The following SCRIB variants were observed in gnomAD, a reference collection of about 807,000 sequenced individuals.
The protein encoded by SCRIB is scribble planar cell polarity protein.
SCRIB carries 72 observed loss-of-function variants against 170.0 expected under a neutral mutation model. The observed-to-expected ratio is 0.42, with a 90% CI of 0.35 to 0.52. SCRIB has a LOEUF of 0.52. Ranked by LOEUF, SCRIB falls within the 20% of genes least tolerant of loss-of-function variation. The pLI is 0.02. For synonymous variants in SCRIB, 1,298 were observed against 1,044.3 expected (o/e 1.24, Z -4.68); for missense variants, 2,475 against 2,338.5 (o/e 1.06, Z -1.20).
chr8:143,809,446 C>A, intron 14 of SCRIB, 105 bp downstream of exon 14: 1 of 1,292,780 alleles, frequency 7.7e-7, no homozygotes, highest in Non-Finnish European at 1.1e-6. Context: ...ATCAGCAGGG[C>A]CCAGGCACTG....
chr8:143,803,993 G>A (rs1815293354), intron 22 of SCRIB, 53 bp from the exon 23 acceptor site: 2 of 1,575,450 alleles, frequency 1.3e-6, no homozygotes, highest in East Asian at 2.3e-5. Flanking sequence ...GACCTGCGCT[G>A]GTACCTGGGA....
chr8:143,814,924 C>T (rs1815993990), intron 1 of SCRIB: 1 of 428,768 alleles, frequency 2.3e-6, no homozygotes, highest in Admixed American at 4.2e-5. Context: ...ATCCAAGTTC[C>T]ACCCTAACCC....
Position 143,793,760 on chromosome 8 carries a change from A to G in SCRIB, c.3909+140T>C, listed in dbSNP as rs1198612875. On this transcript the variant is annotated intron_variant, in intron 28 of 36. Transcript: ENST00000356994. Reference sequence around the variant, plus strand: ...TTCCTCACACAGGAGGCCCCATGGTAGCAGAGGGAAAACCGGAGTCAACAG... The same window carrying G: ...TTCCTCACACAGGAGGCCCCATGGTGGCAGAGGGAAAACCGGAGTCAACAG... The G allele has an allele frequency of 1.3e-5, 10 of 752,826 alleles. No individual in the cohort carries two copies. In the East Asian group the frequency reaches 2.7e-4, roughly 20 times the overall value. 46.6% of individuals were successfully genotyped at this position (752,826 alleles called of 1,614,324 possible).
chr8:143,810,571 C>T lies in SCRIB; in HGVS notation c.1438G>A (p.Glu480Lys), dbSNP rs775814915. The change falls in exon 13 of 37, where the codon GAG (glutamate) becomes AAG (lysine). Residue 480 changes from glutamate (E) to lysine (K), a missense_variant. By Grantham distance (56) the Glu-to-Lys change is moderately conservative. Coordinates refer to ENST00000356994, the MANE Select transcript of SCRIB (RefSeq NM_182706.5). ...LQRRATPHPS[E>K]LKVMKRSIEG... is the part of the protein sequence containing the mutation. ...ATGCTCCTCTTCATCACCTTGAGCT[C>T]GCTGGGGTGAGGTGTGGCCCGGCGC... 139 of 1,613,560 alleles carry T rather than the reference C, an allele frequency of 8.6e-5. No homozygotes were observed. Among genetic ancestry groups the T allele is most frequent in the Non-Finnish European group, 1.1e-4 (131 of 1,179,994 alleles).
chr8:143,791,844 G>A (rs782792937), intron 34 of SCRIB, 32 bp downstream of exon 34: 9 of 1,545,060 alleles, frequency 5.8e-6, no homozygotes, highest in Non-Finnish European at 7.9e-6. Flanking sequence ...TGCCTCGGGG[G>A]TGAAGGGAAG....
chr8:143,815,545 C>G lies in SCRIB; in HGVS notation c.-173G>C. The G allele has an allele frequency of 1.0e-6, 1 of 979,558 alleles. No individual in the cohort carries two copies. Among genetic ancestry groups the G allele is most frequent in the Non-Finnish European group, 1.2e-6 (1 of 827,764 alleles). The allele number at this position is 979,558 out of a possible 1,614,324, so 60.7% of individuals were successfully genotyped here. On this transcript the variant is annotated 5_prime_UTR_variant, in exon 1 of 37. Coordinates refer to ENST00000356994, the MANE Select transcript of SCRIB (RefSeq NM_182706.5). ...GCCGGCGCTGGGCCCGGCCCGCGCT[C>G]GGAACGCTCGGACTGCGGGCCTGGG...
Position 143,803,913 on chromosome 8 carries a change from T to C in SCRIB, c.3148A>G (p.Ser1050Gly), listed in dbSNP as rs1264295001. ...KVLPRGLAAR[S>G]GLRVGDRILA... ...ATGCGGTCCCCAACCCGCAGGCCGCTGCGAGCGGCCAGGCCCCGCGGGAGC... is the reference window on the plus strand; with the variant it reads ...ATGCGGTCCCCAACCCGCAGGCCGCCGCGAGCGGCCAGGCCCCGCGGGAGC... Residue 1050 changes from serine to glycine, a missense_variant, in exon 23 of 37, where the codon AGC (serine) becomes GGC (glycine). Physicochemically the swap from Ser to Gly is moderately conservative, Grantham distance 56 (BLOSUM62 0). Around this residue, in one of 3 missense-constraint regions of SCRIB, gnomAD observed 1,966 missense variants for 1,742.9 expected, o/e 1.13. Transcript: ENST00000356994. 7 of 1,589,786 alleles carry C rather than the reference T, an allele frequency of 4.4e-6. No individual in the cohort carries two copies. The highest frequency in any genetic ancestry group is 5.1e-6 in the Non-Finnish European group (6 of 1,167,666).
chr8:143,794,319 T>A, intron 27 of SCRIB: 1 of 286,528 alleles, frequency 3.5e-6, no homozygotes, highest in Non-Finnish European at 6.7e-6. Context: ...TGTGCAGCCC[T>A]CAGGGCTCAG....
Position 143,803,814 on chromosome 8 carries a change from G to C in SCRIB, c.3247C>G (p.Leu1083Val), listed in dbSNP as rs1563796926. The change falls in exon 23 of 37, where the codon CTG becomes GTG. Residue 1083 changes from leucine (L) to valine (V), a missense_variant. This residue lies in a region of SCRIB where 1,966 missense variants were observed against 1,742.9 expected (regional missense o/e 1.13). Coordinates refer to ENST00000356994, the MANE Select transcript of SCRIB (RefSeq NM_182706.5). ...CTCCGCACCAGCAGCGACAGCTCCA[G>C]GCAGGGCCGGAGCAGGGCACTGACT... ...EAVSALLRPC[L>V]ELSLLVRRDP... is the part of the protein sequence containing the mutation. The C allele has an allele frequency of 6.2e-7, 1 of 1,604,312 alleles. No individual in the cohort carries two copies. The highest frequency in any genetic ancestry group is 1.7e-5 in the Admixed American group (1 of 59,776).
Position 143,813,709 on chromosome 8 carries a change from G to C in SCRIB, c.374C>G (p.Thr125Ser). 6.2e-7 allele frequency: 1 copy of C among 1,613,604 alleles called. No homozygotes were observed. Among genetic ancestry groups the C allele is most frequent in the Non-Finnish European group, 8.5e-7 (1 of 1,180,022 alleles). Residue 125 changes from threonine to serine, a missense_variant, in exon 4 of 37, where the codon ACT (threonine) becomes AGT (serine). Thr to Ser is a moderately conservative substitution (Grantham distance 58). This residue lies in a region of SCRIB where 487 missense variants were observed against 558.1 expected (regional missense o/e 0.87). Coordinates refer to ENST00000356994, the MANE Select transcript of SCRIB (RefSeq NM_182706.5). ...CAGGTGAGCCAGGCTGCGCAGCTGAGTGAAGCCATCAGGGAGCCTGGATGG... is the reference window on the plus strand; with the variant it reads ...CAGGTGAGCCAGGCTGCGCAGCTGACTGAAGCCATCAGGGAGCCTGGATGG... ...NPLSRLPDGFTQLRSLAHLAL... is the reference protein window; with the variant it reads ...NPLSRLPDGFSQLRSLAHLAL...
In SCRIB at chr8:143,794,414, C is replaced by T. The variant is rs538725587; in HGVS notation, c.3847-452G>A. ...CGGAAGCCTCCCTCTTGGCGCTGCC[C>T]ATGGCCAGAGGAGGCAGGGTCAGTA... On this transcript the variant is annotated intron_variant, in intron 27 of 36. Transcript: ENST00000356994. Among the ~76,000 whole-genome samples the T allele has an allele frequency of 2.6e-3, 399 of 152,228 alleles. 1 individual carries two copies. The highest frequency in any genetic ancestry group is 9.0e-3 in the African/African-American group (374 of 41,538).
Position 143,792,696 on chromosome 8 carries a change from C to A in SCRIB, c.4177+12G>T. 6.3e-7 allele frequency: 1 copy of A among 1,587,120 alleles called. No homozygotes were observed. Among genetic ancestry groups the A allele is most frequent in the East Asian group, 2.3e-5 (1 of 44,330 alleles). Reference sequence around the variant, plus strand: ...CGAGACCCAACCCCCACCCCACTTCCGTGCCCCTCACCTTCCTCCTCCTGC... The same window carrying A: ...CGAGACCCAACCCCCACCCCACTTCAGTGCCCCTCACCTTCCTCCTCCTGC... On this transcript the variant is annotated intron_variant, in intron 30 of 36. Transcript: ENST00000356994.
At chr8:143,804,458 C>T (rs34099611) in intron 21 of SCRIB, 110 bp downstream of exon 21, 355,066 of 1,203,262 alleles carry the variant, frequency 0.3, 55,470 homozygotes, top group East Asian at 0.61. Context: ...GGCGAGCAGG[C>T]CGGCTTCCCA....
rs1427348794 is a variant in SCRIB at position 143,792,241 on chromosome 8, C to T, written c.4493G>A (p.Arg1498His). 14 of 1,570,388 alleles carry T rather than the reference C, an allele frequency of 8.9e-6. No homozygotes were observed. Among genetic ancestry groups the T allele is most frequent in the Non-Finnish European group, 1.1e-5 (13 of 1,165,398 alleles). Residue 1498 changes from arginine to histidine, a missense_variant, in exon 32 of 37, where the codon CGT becomes CAT. Physicochemically the swap from Arg to His is conservative, Grantham distance 29. Transcript: ENST00000356994. ...AELRALEAEKRALWRAARMKS... is the reference protein window; with the variant it reads ...AELRALEAEKHALWRAARMKS... ...TCACCTGGCTGCCCTCCACAGCGCA[C>T]GCTTCTCGGCCTCCAGGGCCCGGAG...
At chr8:143,798,646 A>T (rs988278016) in intron 24 of SCRIB, among the ~76,000 whole-genome samples, 2 of 152,226 alleles carry the variant, frequency 1.3e-5, no homozygotes, top group Admixed American at 6.5e-5. Flanking sequence ...GAGAAAAAGT[A>T]TAAAATTACA....
At position 143,805,110 on chromosome 8, in the gene SCRIB, ACCGC is replaced by A; in HGVS notation, c.2668_2670+1del. 1 of 1,598,884 alleles carries A rather than the reference ACCGC, an allele frequency of 6.3e-7. No homozygotes were observed. The highest frequency in any genetic ancestry group is 1.1e-5 in the South Asian group (1 of 88,746). The stretch of plus-strand genomic sequence containing the variant: ...CTCCCCGGCCCTGGGCCCCAGCCTC[ACCGC>A]ATCACCAGCCCTGTAGGGTGTGGAG... On this transcript the variant is annotated splice_donor_variant and coding_sequence_variant, in exon 19 of 37. Transcript: ENST00000356994. LOFTEE classifies it high-confidence loss of function.
At position 143,815,457 on chromosome 8, in the gene SCRIB, C is replaced by T; in HGVS notation, c.-85G>A. 9.0e-6 allele frequency: 10 copies of T among 1,115,016 alleles called. No individual in the cohort carries two copies. The highest frequency in any genetic ancestry group is 1.1e-5 in the Non-Finnish European group (10 of 913,594). The allele number at this position is 1,115,016 out of a possible 1,614,324, so 69.1% of individuals were successfully genotyped here. A position where few individuals can be genotyped will look rare whatever the true frequency, so the allele number is the denominator to read the frequency against. Reference sequence around the variant, plus strand: ...CGGGGCTCAGTCCGCATGGGCGCCGCGCATGGGGAGGGGGCGCAGGCAGGG... The same window carrying T: ...CGGGGCTCAGTCCGCATGGGCGCCGTGCATGGGGAGGGGGCGCAGGCAGGG... On this transcript the variant is annotated 5_prime_UTR_variant, in exon 1 of 37. Coordinates refer to ENST00000356994, the MANE Select transcript of SCRIB (RefSeq NM_182706.5).
At position 143,805,375 on chromosome 8, in the gene SCRIB, C is replaced by T. The variant is rs900125584; in HGVS notation, c.2407G>A (p.Ala803Thr). Residue 803 changes from alanine to threonine, a missense_variant, in exon 19 of 37, where the codon GCC becomes ACC. Ala to Thr is a moderately conservative substitution (Grantham distance 58). Around this residue, in one of 3 missense-constraint regions of SCRIB, gnomAD observed 1,966 missense variants for 1,742.9 expected, o/e 1.13. Transcript: ENST00000356994. ...ACTCGCATCTGCACGGCAGTGCCGGCCCCCCGGAGCGCCTCCACGGCCTCG... is the reference window on the plus strand; with the variant it reads ...ACTCGCATCTGCACGGCAGTGCCGGTCCCCCGGAGCGCCTCCACGGCCTCG... The part of the protein sequence containing the change: ...HHEAVEALRG[A>T]GTAVQMRVWR... 7.8e-6 allele frequency: 12 copies of T among 1,546,660 alleles called. No individual in the cohort carries two copies. Among genetic ancestry groups the T allele is most frequent in the South Asian group, 1.2e-5 (1 of 84,868 alleles).
intron 24 of SCRIB, among the ~76,000 whole-genome samples, chr8:143,797,919 G>GC (rs1245141680): frequency 2.0e-5 from 3 of 152,234 alleles, no homozygotes; most frequent in Non-Finnish European, 2.9e-5. Context: ...TCCTGTTTTT[G>GC]CAACTTTTCT....
Sources: gnomAD v4.1 joint callset for allele counts (sites outside exome capture counted in the v4.1 genomes callset) on GRCh38, gnomAD v4.1.1 for gene constraint, gnomAD v4.1.1 regional missense constraint, MANE v1.5 for transcripts, NCBI Gene and HGNC (gene_info 2026-07-23, HGNC 2026-07-21) for gene names.